NCKAP5: variants seen among roughly 807,000 people sequenced by gnomAD.
NCKAP5 encodes nck-associated protein 5.
Under a neutral mutation model 167.0 loss-of-function variants are expected in NCKAP5, and 92 were observed. The observed-to-expected ratio is 0.55, with a 90% CI of 0.47 to 0.66. NCKAP5 has a LOEUF of 0.66. Ranked by LOEUF, NCKAP5 falls within the 30% of genes least tolerant of loss-of-function variation. The pLI is 0.00. For synonymous variants in NCKAP5, 891 were observed against 877.4 expected (o/e 1.02, Z -0.27); for missense variants, 2,378 against 2,315.0 (o/e 1.03, Z -0.56).
intron 3 of NCKAP5, among the ~76,000 whole-genome samples, chr2:133,351,570 G>T (rs756450262): frequency 3.3e-5 from 5 of 152,158 alleles, no homozygotes; most frequent in Non-Finnish European, 5.9e-5. Context: ...GTGTTTCAAA[G>T]ACATCATTTC....
intron 6 of NCKAP5, among the ~76,000 whole-genome samples, chr2:133,094,285 A>G (rs988668400): frequency 6.6e-6 from 1 of 151,222 alleles, no homozygotes; most frequent in African/African-American, 2.4e-5. Context: ...GGATTGGTGT[A>G]TGCATGGTGA....
At chr2:132,894,639 T>C (rs1296904094) in intron 8 of NCKAP5, among the ~76,000 whole-genome samples, 1 of 152,208 alleles carries the variant, frequency 6.6e-6, no homozygotes, top group Non-Finnish European at 1.5e-5. Flanking sequence ...ATTGTCCCTT[T>C]GCTTCAGAAA....
intron 13 of NCKAP5, 42 bp downstream of exon 13, chr2:132,789,981 G>C: frequency 6.4e-7 from 1 of 1,552,154 alleles, no homozygotes; most frequent in Non-Finnish European, 8.8e-7. Context: ...CCTACCAGAA[G>C]AGGATTCTTT....
Position 132,714,953 on chromosome 2 carries a change from G to A in NCKAP5, c.5713+10674C>T. Reference sequence around the variant, plus strand: ...TTCTAGGTTCTTGGAGGTTCACAGAGGAGCCCACTGTGTAATTCGCTGAGT... The same window carrying A: ...TTCTAGGTTCTTGGAGGTTCACAGAAGAGCCCACTGTGTAATTCGCTGAGT... On this transcript the variant is annotated intron_variant, in intron 19 of 19. Transcript: ENST00000409261. 1.1e-5 allele frequency: 5 copies of A among 444,432 alleles called. 1 individual carries two copies. The highest frequency in any genetic ancestry group is 8.1e-5 in the South Asian group (5 of 61,976). 27.5% of individuals were successfully genotyped at this position (444,432 alleles called of 1,614,324 possible).
chr2:133,019,097 C>T (rs2149385603), intron 6 of NCKAP5, among the ~76,000 whole-genome samples: 1 of 152,266 alleles, frequency 6.6e-6, no homozygotes, highest in Middle Eastern at 3.4e-3. Context: ...CTACTGTGTC[C>T]TATGATACCG....
intron 4 of NCKAP5, among the ~76,000 whole-genome samples, chr2:133,264,504 C>A (rs534360147): frequency 4.6e-5 from 7 of 152,288 alleles, no homozygotes; most frequent in African/African-American, 1.7e-4. Flanking sequence ...CATTCCCACC[C>A]CCGGGGGCCT....
In NCKAP5 at chr2:133,052,384, T is replaced by C. The variant is rs371145145; in HGVS notation, c.342-58145A>G. Among the ~76,000 whole-genome samples the C allele has an allele frequency of 2.0e-5, 3 of 152,188 alleles. No homozygotes were observed. The East Asian group carries it at 5.8e-4, about 29-fold the overall frequency. ...GGTTTTCTACCTTTCTAGAGAAGTA[T>C]ATTAAGGTGGAGGCAGGAGATGGGC... On this transcript the variant is annotated intron_variant, in intron 6 of 19. Coordinates refer to ENST00000409261, the MANE Select transcript of NCKAP5 (RefSeq NM_207363.3).
chr2:133,229,571 T>A (rs1195533129), intron 4 of NCKAP5, among the ~76,000 whole-genome samples: 1 of 152,202 alleles, frequency 6.6e-6, no homozygotes, highest in African/African-American at 2.4e-5. Flanking sequence ...ATTAACTTGT[T>A]TAATCCTTAC....
At chr2:133,228,166 G>C (rs1012063777) in intron 4 of NCKAP5, among the ~76,000 whole-genome samples, 1 of 152,176 alleles carries the variant, frequency 6.6e-6, no homozygotes, top group African/African-American at 2.4e-5. Context: ...ATGTGGTCCT[G>C]TCCCTTATAG....
At chr2:133,374,071 C>T (rs564913541) in intron 3 of NCKAP5, among the ~76,000 whole-genome samples, 11 of 152,316 alleles carry the variant, frequency 7.2e-5, no homozygotes, top group African/African-American at 2.6e-4. Context: ...ATGTTTACAG[C>T]AGCTTTATTC....
At chr2:133,048,446 T>C (rs1407584507) in intron 6 of NCKAP5, among the ~76,000 whole-genome samples, 1 of 152,332 alleles carries the variant, frequency 6.6e-6, no homozygotes, top group South Asian at 2.1e-4. Flanking sequence ...ACTAACATTC[T>C]AGTGATTGAT....
chr2:132,894,199 T>C (rs1055644467), intron 8 of NCKAP5, among the ~76,000 whole-genome samples: 10 of 152,248 alleles, frequency 6.6e-5, no homozygotes, highest in African/African-American at 2.4e-4. Flanking sequence ...AAGGATGACC[T>C]ACTCCTGAAA....
intron 19 of NCKAP5, among the ~76,000 whole-genome samples, chr2:132,704,276 G>A (rs1025809698): frequency 1.3e-5 from 2 of 152,078 alleles, no homozygotes; most frequent in African/African-American, 4.8e-5. Context: ...CCTGCTCCAG[G>A]AATGAATTTC....
At chr2:133,469,655 A>G (rs999231837) in intron 3 of NCKAP5, among the ~76,000 whole-genome samples, 7 of 152,048 alleles carry the variant, frequency 4.6e-5, no homozygotes, top group Non-Finnish European at 1.0e-4. Flanking sequence ...CACCCATCAG[A>G]TGTAGATTTG....
the NCKAP5 span, among the ~76,000 whole-genome samples, chr2:133,609,721 C>A: frequency 6.6e-6 from 1 of 152,104 alleles, no homozygotes; most frequent in Non-Finnish European, 1.5e-5. Context: ...CCCAACAGCT[C>A]TGAGTTTTAT....
intron 5 of NCKAP5, among the ~76,000 whole-genome samples, chr2:133,175,857 C>T (rs554250908): frequency 5.6e-4 from 86 of 152,294 alleles, no homozygotes; most frequent in Non-Finnish European, 1.1e-3. Context: ...CATATACCAA[C>T]CTTCATTGTG....
chr2:133,556,345 G>A (rs1687736129), intron 2 of NCKAP5, among the ~76,000 whole-genome samples: 1 of 152,184 alleles, frequency 6.6e-6, no homozygotes, highest in African/African-American at 2.4e-5. Flanking sequence ...GATATGGACT[G>A]TAGAATGTTC....
At chr2:133,647,438 A>AAAGG in the NCKAP5 span, among the ~76,000 whole-genome samples, 1 of 138,750 alleles carries the variant, frequency 7.2e-6, no homozygotes, top group Admixed American at 7.2e-5. Context: ...AGGAAGAAAG[A>AAAGG]AAGAAAGAAA....
the NCKAP5 span, among the ~76,000 whole-genome samples, chr2:133,589,533 G>T: frequency 2.0e-5 from 3 of 152,302 alleles, no homozygotes; most frequent in South Asian, 4.1e-4. Flanking sequence ...CAGGATGGAG[G>T]TATAGATCTG....
Sources: allele counts gnomAD v4.1 joint callset (sites outside exome capture counted in the v4.1 genomes callset), GRCh38; gene constraint gnomAD v4.1.1; transcripts MANE v1.5; gene names NCBI Gene and HGNC (gene_info 2026-07-23, HGNC 2026-07-21).